The following INSC variants were observed in gnomAD, a reference collection of about 807,000 sequenced individuals.
INSC encodes the protein INSC spindle orientation adaptor protein.
Under a neutral mutation model 58.6 loss-of-function variants are expected in INSC, and 67 were observed. The ratio of observed to expected loss-of-function variants is 1.14; its 90% confidence interval spans 0.94 to 1.40. The LOEUF is 1.40. Among genes scored for constraint, INSC ranks in the 40% most tolerant of loss-of-function variants. The pLI is 0.00. For synonymous variants in INSC, 262 were observed against 276.1 expected (o/e 0.95, Z 0.51); for missense variants, 714 against 692.0 (o/e 1.03, Z -0.36).
rs765348692 is a variant in INSC, at chr11:15,221,485, C to T, written c.828C>T (p.Gly276=). ...EGVHQLEKVD[G]VLCLADILTD... ...CCTCTCTCCATCTGCAGGTGGATGG[C>T]GTTCTGTGCTTGGCCGACATCCTGA... Residue 276 remains glycine (G), a synonymous_variant, in exon 8 of 13, where the codon GGC becomes GGT. Coordinates refer to ENST00000379556, the MANE Select transcript of INSC (RefSeq NM_001042536.3). 50 of 1,608,160 alleles carry T rather than the reference C, an allele frequency of 3.1e-5. 1 individual carries two copies. The highest frequency in any genetic ancestry group is 1.7e-4 in the Middle Eastern group (1 of 6,054).
At chr11:15,181,569 G>A (rs1322660818) in intron 5 of INSC, among the ~76,000 whole-genome samples, 1 of 152,148 alleles carries the variant, frequency 6.6e-6, no homozygotes, top group African/African-American at 2.4e-5. Flanking sequence ...CCACACACTG[G>A]AATGAGGCCT....
intron 2 of INSC, among the ~76,000 whole-genome samples, chr11:15,160,977 ATATTGTATGTGC>A (rs1435641637): frequency 1.3e-5 from 2 of 152,226 alleles, no homozygotes; most frequent in African/African-American, 4.8e-5. Flanking sequence ...TACTAGTTAG[ATATTGTATGTGC>A]AAGTTCTTGA....
At chr11:15,198,589 TCTATC>T (rs1850457669) in intron 6 of INSC, among the ~76,000 whole-genome samples, 2 of 152,126 alleles carry the variant, frequency 1.3e-5, no homozygotes, top group African/African-American at 4.8e-5. Flanking sequence ...CTCTCTCTCA[TCTATC>T]TACATATATA....
At chr11:15,180,309 A>C (rs1296489019) in intron 5 of INSC, among the ~76,000 whole-genome samples, 2 of 152,178 alleles carry the variant, frequency 1.3e-5, no homozygotes. Context: ...AAAGGGCTGA[A>C]AAAGAGGTGT....
chr11:15,124,304 G>A (rs576030929), intron 1 of INSC, among the ~76,000 whole-genome samples: 1 of 152,282 alleles, frequency 6.6e-6, no homozygotes, highest in African/African-American at 2.4e-5. Flanking sequence ...ATTGCAGGGT[G>A]TCAGCAGGAA....
chr11:15,250,887 A>T (rs1935499647), downstream of INSC, among the ~76,000 whole-genome samples: 1 of 152,226 alleles, frequency 6.6e-6, no homozygotes, highest in African/African-American at 2.4e-5. Flanking sequence ...GGGCTCCCAA[A>T]ATCTGCTTCT....
At chr11:15,230,991 G>T (rs775451908) in intron 9 of INSC, among the ~76,000 whole-genome samples, 1 of 152,124 alleles carries the variant, frequency 6.6e-6, no homozygotes, top group Non-Finnish European at 1.5e-5. Flanking sequence ...CTAGGTCAGT[G>T]CCCTTCTCCT....
intron 5 of INSC, among the ~76,000 whole-genome samples, chr11:15,187,938 A>G (rs1209365466): frequency 1.3e-5 from 2 of 152,206 alleles, no homozygotes; most frequent in African/African-American, 4.8e-5. Context: ...AGGAGTAGAT[A>G]GGCAATTCCT....
rs949791746 is a variant in INSC, at chr11:15,238,954, C to T, written c.1273C>T (p.Pro425Ser). The stretch of plus-strand genomic sequence containing the variant: ...TATCATGGGCATGCTGTCTGAAAAA[C>T]CAAGGTCTGGGACTCCTGCTGAAGT... ...QLIMGMLSEK[P>S]RSGTPAEVAA... Residue 425 changes from proline to serine, a missense_variant, in exon 11 of 13, where the codon CCA becomes TCA. Transcript: ENST00000379556. The T allele has an allele frequency of 3.1e-6, 5 of 1,614,110 alleles. No individual in the cohort carries two copies. The highest frequency in any genetic ancestry group is 3.4e-6 in the Non-Finnish European group (4 of 1,179,980).
chr11:15,224,446 G>A (rs929137434), intron 8 of INSC, among the ~76,000 whole-genome samples: 9 of 152,226 alleles, frequency 5.9e-5, no homozygotes, highest in African/African-American at 7.2e-5. Context: ...GAACCTGGAA[G>A]TATAGACTGT....
chr11:15,194,722 A>G (rs1168393253), intron 6 of INSC, among the ~76,000 whole-genome samples: 3 of 152,238 alleles, frequency 2.0e-5, no homozygotes, highest in Non-Finnish European at 4.4e-5. Flanking sequence ...AAATGGTTTA[A>G]GGAGCTTATT....
intron 9 of INSC, 91 bp downstream of exon 9, chr11:15,225,919 G>A (rs1230530390): frequency 1.4e-5 from 18 of 1,267,958 alleles, no homozygotes; most frequent in Non-Finnish European, 1.9e-5. Flanking sequence ...GCAGGGGAGA[G>A]AGCATGGGAG....
intron 5 of INSC, among the ~76,000 whole-genome samples, chr11:15,179,499 T>G (rs2133832679): frequency 6.6e-6 from 1 of 152,308 alleles, no homozygotes; most frequent in East Asian, 1.9e-4. Flanking sequence ...TTCCTGAGTG[T>G]TTGGTTGGTT....
chr11:15,190,756 C>T lies in INSC; in HGVS notation c.635C>T (p.Thr212Ile). The T allele has an allele frequency of 6.2e-7, 1 of 1,613,986 alleles. No homozygotes were observed. Among genetic ancestry groups the T allele is most frequent in the Non-Finnish European group, 8.5e-7 (1 of 1,179,852 alleles). Residue 212 changes from threonine (T) to isoleucine (I), a missense_variant, in exon 6 of 13, where the codon ACA becomes ATA. Physicochemically the swap from Thr to Ile is moderately conservative, Grantham distance 89. Transcript: ENST00000379556. ...AATATCTACACCACAGAGTCCACCA[C>T]AGGGAACCTGTTCAGCCTGACCCAG... The part of the protein sequence containing the change: ...SDNIYTTEST[T>I]GNLFSLTQEG...
chr11:15,243,840 A>C (rs1590020064), intron 12 of INSC, among the ~76,000 whole-genome samples: 3 of 138,064 alleles, frequency 2.2e-5, no homozygotes, highest in African/African-American at 5.4e-5. Flanking sequence ...CTCTCCTATT[A>C]TCTCCCCTCC....
chr11:15,185,337 C>T (rs1849924733), intron 5 of INSC, among the ~76,000 whole-genome samples: 1 of 152,016 alleles, frequency 6.6e-6, no homozygotes, highest in South Asian at 2.1e-4. Flanking sequence ...AGCATTAAGT[C>T]AATATTCAAT....
At chr11:15,160,261 A>G (rs1434645594) in intron 2 of INSC, among the ~76,000 whole-genome samples, 1 of 152,214 alleles carries the variant, frequency 6.6e-6, no homozygotes, top group Non-Finnish European at 1.5e-5. Context: ...CAAGACCTCA[A>G]TGATGTGTAG....
At chr11:15,236,079 T>A (rs1003299270) in intron 10 of INSC, among the ~76,000 whole-genome samples, 34 of 124,682 alleles carry the variant, frequency 2.7e-4, no homozygotes, top group African/African-American at 5.6e-4. Flanking sequence ...AAAAAAAAAA[T>A]AGGTACACGT....
intron 2 of INSC, 101 bp downstream of exon 2, chr11:15,149,331 C>T (rs1400676933): frequency 1.6e-6 from 2 of 1,225,664 alleles, no homozygotes; most frequent in East Asian, 5.9e-5. Flanking sequence ...CCCATCTTCC[C>T]ACGCAATTTT....
Sources: allele counts gnomAD v4.1 joint callset (sites outside exome capture counted in the v4.1 genomes callset), GRCh38; gene constraint gnomAD v4.1.1; transcripts MANE v1.5; gene names NCBI Gene and HGNC (gene_info 2026-07-23, HGNC 2026-07-21).